Variants in SPATC1 observed in about 807,000 individuals in gnomAD.
SPATC1 encodes speriolin.
SPATC1 carries 35 observed loss-of-function variants against 36.5 expected under a neutral mutation model. The ratio of observed to expected loss-of-function variants is 0.96; its 90% CI spans 0.73 to 1.27. The LOEUF is 1.27. Among genes scored for constraint, SPATC1 ranks in the 50% most tolerant of loss-of-function variants. SPATC1 has a pLI of 0.00. For missense variants in SPATC1, 779 were observed against 796.0 expected, an observed-to-expected ratio of 0.98 and a Z score of 0.26; for synonymous variants, 361 against 353.6, an observed-to-expected ratio of 1.02 and a Z score of -0.24.
rs1834293701 is a variant in SPATC1, at chr8:144,012,304, G to C, written c.-212G>C. On this transcript the variant is annotated 5_prime_UTR_variant, in exon 1 of 5. Transcript: ENST00000377470. ...GACATTCCAGGCCGAGGCAAGGCCTGTGTACAGGCCTGGTGGCATGGAGAG... is the reference window on the plus strand; with the variant it reads ...GACATTCCAGGCCGAGGCAAGGCCTCTGTACAGGCCTGGTGGCATGGAGAG... 1 of 581,842 alleles carries C rather than the reference G, an allele frequency of 1.7e-6. No homozygotes were observed. The allele number at this position is 581,842 out of a possible 1,614,324, so 36.0% of individuals were successfully genotyped here.
chr8:144,019,713 G>C (rs1834465631), intron 1 of SPATC1, among the ~76,000 whole-genome samples: 1 of 152,132 alleles, frequency 6.6e-6, no homozygotes, highest in African/African-American at 2.4e-5. Context: ...GTCAGACCTG[G>C]CTCCTCCACA....
In SPATC1 at chr8:144,039,908, G is replaced by C. The variant is rs782685579; in HGVS notation, c.212-1G>C. Reference sequence around the variant, plus strand: ...TCTCAGTGCTTTCTCTGTGTTCCCAGGTGTCTTCCTGCCCCCGTCCCCAGC... The same window carrying C: ...TCTCAGTGCTTTCTCTGTGTTCCCACGTGTCTTCCTGCCCCCGTCCCCAGC... On this transcript the variant is annotated splice_acceptor_variant, in intron 1 of 4. Transcript: ENST00000377470. LOFTEE classifies it high-confidence loss of function. The C allele has an allele frequency of 1.3e-4, 211 of 1,611,566 alleles. No individual in the cohort carries two copies. The highest frequency in any genetic ancestry group is 1.6e-4 in the Non-Finnish European group (193 of 1,178,582).
At chr8:144,042,389 G>A (rs555782208) in intron 4 of SPATC1, among the ~76,000 whole-genome samples, 3 of 137,426 alleles carry the variant, frequency 2.2e-5, no homozygotes, top group Non-Finnish European at 3.0e-5. Context: ...GTGCGATCTC[G>A]GATCACCACA....
At position 144,040,938 on chromosome 8, in the gene SPATC1, C is replaced by T; in HGVS notation, c.1137C>T (p.Pro379=). 2 of 1,602,984 alleles carry T rather than the reference C, an allele frequency of 1.2e-6. No homozygotes were observed. Among genetic ancestry groups the T allele is most frequent in the South Asian group, 1.1e-5 (1 of 89,582 alleles). ...HNSPTQNLPV[P]HCPPHNAHSP... ...CCCCAACCCAGAACCTGCCTGTCCC[C>T]CACTGTCCTCCACACAACGCCCACT... The change falls in exon 3 of 5, where the codon CCC becomes CCT. Residue 379 remains proline (P), a synonymous_variant. Transcript: ENST00000377470.
chr8:144,017,857 G>A (rs1279581790), intron 1 of SPATC1, among the ~76,000 whole-genome samples: 1 of 152,158 alleles, frequency 6.6e-6, no homozygotes, highest in Non-Finnish European at 1.5e-5. Flanking sequence ...TTTGGAGCAA[G>A]AAAATGAGTT....
At chr8:144,038,737 G>T (rs1313919765) in intron 1 of SPATC1, among the ~76,000 whole-genome samples, 3 of 152,100 alleles carry the variant, frequency 2.0e-5, no homozygotes, top group Admixed American at 2.0e-4. Flanking sequence ...TTTTTAAATG[G>T]TTAAAAGAAG....
chr8:144,040,497 G>T lies in SPATC1; in HGVS notation c.766+34G>T, dbSNP rs116712479. On this transcript the variant is annotated intron_variant, in intron 2 of 4. Transcript: ENST00000377470. ...TGTGGTGGGTGGTGGGTGGCAGAGTGGGGGGGGGCAGAGCCCTCCCACCTC... is the reference window on the plus strand; with the variant it reads ...TGTGGTGGGTGGTGGGTGGCAGAGTTGGGGGGGGCAGAGCCCTCCCACCTC... The T allele has an allele frequency of 2.2e-4, 342 of 1,532,518 alleles. 1 individual carries two copies. Among genetic ancestry groups the T allele is most frequent in the Middle Eastern group, 3.5e-4 (2 of 5,736 alleles). 94.9% of individuals were successfully genotyped at this position (1,532,518 alleles called of 1,614,324 possible). A position where few individuals can be genotyped will look rare whatever the true frequency, so the allele number is the denominator to read the frequency against.
Position 144,016,363 on chromosome 8 carries a change from G to C in SPATC1, c.211+3637G>C, listed in dbSNP as rs1834393994. 6.6e-6 allele frequency among the ~76,000 whole-genome samples: 1 copy of C among 151,688 alleles called. No homozygotes were observed. The highest frequency in any genetic ancestry group is 2.4e-5 in the African/African-American group (1 of 41,260). ...TGGCTCTGTGTGTGTGTGAGTTGCT[G>C]TGTGTGTGTGTGAATGTATGTGAGA... On this transcript the variant is annotated intron_variant, in intron 1 of 4. Coordinates refer to ENST00000377470, the MANE Select transcript of SPATC1 (RefSeq NM_198572.3). This position sits in a 1 kb window ranked among gnomAD's most constrained non-coding sequence, Gnocchi z 4.5.
intron 4 of SPATC1, among the ~76,000 whole-genome samples, chr8:144,042,700 T>C (rs1324308887): frequency 6.6e-6 from 1 of 152,184 alleles, no homozygotes; most frequent in East Asian, 1.9e-4. Context: ...AGAAGCTCAC[T>C]GCAGTGGCCT....
At chr8:144,024,771 C>T in intron 1 of SPATC1, among the ~76,000 whole-genome samples, 1 of 132,484 alleles carries the variant, frequency 7.5e-6, no homozygotes, top group South Asian at 2.4e-4. Flanking sequence ...GGACCCTCTC[C>T]CCTCAAGACC....
chr8:144,037,773 C>G (rs1554755039), intron 1 of SPATC1, among the ~76,000 whole-genome samples: 1 of 151,714 alleles, frequency 6.6e-6, no homozygotes, highest in African/African-American at 2.4e-5. Flanking sequence ...GCCCAATCCC[C>G]CTCTGCGAGA....
intron 1 of SPATC1, among the ~76,000 whole-genome samples, chr8:144,017,901 A>G (rs1409639382): frequency 1.3e-5 from 2 of 152,230 alleles, no homozygotes; most frequent in East Asian, 3.8e-4. Context: ...AGATGTCCAC[A>G]CAACATCCAC....
At chr8:144,039,747 T>C (rs1258050066) in intron 1 of SPATC1, among the ~76,000 whole-genome samples, 162 bp from the exon 2 acceptor site, 2 of 152,132 alleles carry the variant, frequency 1.3e-5, no homozygotes, top group Admixed American at 1.3e-4. Flanking sequence ...CACCCTGGCC[T>C]GCCTAAGAAG....
At chr8:144,043,363 C>T (rs1338135519) in intron 4 of SPATC1, among the ~76,000 whole-genome samples, 1 of 151,602 alleles carries the variant, frequency 6.6e-6, no homozygotes, top group Admixed American at 6.6e-5. Context: ...CTCACTGCAA[C>T]CTCCGTCTCC....
chr8:144,031,445 T>C (rs905690396), intron 1 of SPATC1, among the ~76,000 whole-genome samples: 3 of 50,706 alleles, frequency 5.9e-5, no homozygotes, highest in Admixed American at 2.8e-4. Context: ...TCAAGATTTT[T>C]TTTTCTTTTT....
chr8:144,032,889 G>A (rs1166884930), intron 1 of SPATC1, among the ~76,000 whole-genome samples: 2 of 151,796 alleles, frequency 1.3e-5, no homozygotes, highest in East Asian at 3.9e-4. Context: ...CACAGATAGG[G>A]ATTTCCATGA....
intron 1 of SPATC1, among the ~76,000 whole-genome samples, chr8:144,037,649 A>T (rs1345490032): frequency 6.6e-6 from 1 of 151,918 alleles, no homozygotes; most frequent in Non-Finnish European, 1.5e-5. Flanking sequence ...AATCTCAAGT[A>T]CCCAGGGACA....
rs1156349053 is a variant in SPATC1, at chr8:144,012,319, G to A, written c.-197G>A. Reference sequence around the variant, plus strand: ...GGCAAGGCCTGTGTACAGGCCTGGTGGCATGGAGAGCTGAGGGTGTTAGAG... The same window carrying A: ...GGCAAGGCCTGTGTACAGGCCTGGTAGCATGGAGAGCTGAGGGTGTTAGAG... On this transcript the variant is annotated 5_prime_UTR_variant, in exon 1 of 5. Coordinates refer to ENST00000377470, the MANE Select transcript of SPATC1 (RefSeq NM_198572.3). 2 of 598,834 alleles carry A rather than the reference G, an allele frequency of 3.3e-6. No individual in the cohort carries two copies. The highest frequency in any genetic ancestry group is 3.0e-5 in the Admixed American group (1 of 33,866). The allele number at this position is 598,834 out of a possible 1,614,324, so 37.1% of individuals were successfully genotyped here. A position where few individuals can be genotyped will look rare whatever the true frequency, so the allele number is the denominator to read the frequency against.
intron 1 of SPATC1, among the ~76,000 whole-genome samples, chr8:144,014,537 G>A (rs1271916007): frequency 6.6e-6 from 1 of 152,106 alleles, no homozygotes; most frequent in Non-Finnish European, 1.5e-5. Context: ...CTAGACTCTG[G>A]TTTCGTACTC....
Sources: gnomAD v4.1 joint callset for allele counts (sites outside exome capture counted in the v4.1 genomes callset) on GRCh38, gnomAD v4.1.1 for gene constraint, Gnocchi (gnomAD v3.1) non-coding constraint, MANE v1.5 for transcripts, NCBI Gene and HGNC (gene_info 2026-07-23, HGNC 2026-07-21) for gene names.